MIPEP: variants seen among roughly 807,000 people sequenced by gnomAD.
MIPEP encodes mitochondrial intermediate peptidase.
MIPEP carries 79 observed loss-of-function variants against 90.3 expected under a neutral mutation model. The observed-to-expected ratio is 0.87, with a 90% CI of 0.73 to 1.05. The LOEUF is 1.05. Among genes scored for constraint, MIPEP ranks in the 50% least tolerant of loss-of-function variants. MIPEP has a pLI of 0.00. For missense variants in MIPEP, 940 were observed against 905.6 expected (o/e 1.04, Z -0.49); for synonymous variants, 334 against 315.8 (o/e 1.06, Z -0.61).
At chr13:23,788,553 C>A (rs1952871051) in intron 16 of MIPEP, among the ~76,000 whole-genome samples, 1 of 152,184 alleles carries the variant, frequency 6.6e-6, no homozygotes. Context: ...GCTCACATTT[C>A]TTTGGTCATA....
chr13:23,731,968 ATTT>A lies in MIPEP; in HGVS notation c.2045-1526_2045-1524del, dbSNP rs57109674. ...TATTACACATCCACCAGAATAGCTA[ATTT>A]TTTTTTTTTTTTTTTTTTTTTTTAA... On this transcript the variant is annotated intron_variant, in intron 18 of 18. Transcript: ENST00000382172. Among the ~76,000 whole-genome samples the A allele has an allele frequency of 9.4e-3, 919 of 97,862 alleles. 23 individuals are homozygous for A. Among genetic ancestry groups the A allele is most frequent in the Admixed American group, 0.041 (326 of 8,046 alleles). 64.2% of individuals were successfully genotyped at this position (97,862 alleles called of 152,430 possible).
chr13:23,858,960 A>G (rs1390171521), intron 9 of MIPEP, 48 bp from the exon 10 acceptor site: 1 of 1,516,746 alleles, frequency 6.6e-7, no homozygotes, highest in Non-Finnish European at 9.1e-7. Context: ...ACTCTTTCAT[A>G]GTTTTTATCA....
chr13:23,858,962 T>G, intron 9 of MIPEP, 50 bp from the exon 10 acceptor site: 1 of 1,514,786 alleles, frequency 6.6e-7, no homozygotes, highest in Non-Finnish European at 9.2e-7. Context: ...TCTTTCATAG[T>G]TTTTATCAGC....
chr13:23,812,151 A>C (rs1438495483), intron 14 of MIPEP, among the ~76,000 whole-genome samples: 1 of 151,624 alleles, frequency 6.6e-6, no homozygotes, highest in Non-Finnish European at 1.5e-5. Flanking sequence ...CTCAGCTAGC[A>C]TTCTCCACGT....
chr13:23,875,928 T>C (rs759929784), intron 4 of MIPEP, among the ~76,000 whole-genome samples: 15 of 152,230 alleles, frequency 9.9e-5, no homozygotes, highest in Non-Finnish European at 2.2e-4. Flanking sequence ...CATTGAACAG[T>C]TCTCCATGTC....
chr13:23,749,261 T>C (rs896549312), intron 18 of MIPEP, among the ~76,000 whole-genome samples: 1 of 152,206 alleles, frequency 6.6e-6, no homozygotes, highest in Non-Finnish European at 1.5e-5. Context: ...ACAGGACTTA[T>C]TGCTCCTCGA....
At chr13:23,738,712 T>G (rs953694900) in intron 18 of MIPEP, among the ~76,000 whole-genome samples, 1 of 151,994 alleles carries the variant, frequency 6.6e-6, no homozygotes, top group Non-Finnish European at 1.5e-5. Context: ...CCTCTGAAAG[T>G]GCCCCATGGG....
chr13:23,756,852 T>G (rs994643418), intron 17 of MIPEP: 7 of 529,430 alleles, frequency 1.3e-5, no homozygotes, highest in African/African-American at 9.6e-5. Flanking sequence ...TACTTTTGGC[T>G]ATCTGTTCTG....
At chr13:23,780,633 G>A (rs1419853479) in intron 16 of MIPEP, among the ~76,000 whole-genome samples, 1 of 152,202 alleles carries the variant, frequency 6.6e-6, no homozygotes, top group Non-Finnish European at 1.5e-5. Flanking sequence ...AGAGAAGAAG[G>A]CTTCAGATGA....
intron 3 of MIPEP, among the ~76,000 whole-genome samples, chr13:23,880,572 C>T (rs1008706297): frequency 1.6e-4 from 24 of 152,310 alleles, no homozygotes; most frequent in Middle Eastern, 6.8e-3. Flanking sequence ...CAGAGAGCCT[C>T]GAGCAGGCAG....
intron 16 of MIPEP, among the ~76,000 whole-genome samples, chr13:23,796,500 T>A (rs1469371355): frequency 6.6e-6 from 1 of 152,042 alleles, no homozygotes; most frequent in East Asian, 1.9e-4. Context: ...TAATAATATA[T>A]TAAAGCATTA....
intron 14 of MIPEP, among the ~76,000 whole-genome samples, chr13:23,834,416 T>C (rs535827742): frequency 6.6e-6 from 1 of 152,268 alleles, no homozygotes; most frequent in Non-Finnish European, 1.5e-5. Context: ...TCCCCTCTCC[T>C]GGGCTTTGCC....
At chr13:23,814,314 T>G (rs1266614439) in intron 14 of MIPEP, among the ~76,000 whole-genome samples, 3 of 152,216 alleles carry the variant, frequency 2.0e-5, no homozygotes, top group Admixed American at 2.0e-4. Context: ...TGGAGTGCAG[T>G]GGCACAATCT....
At chr13:23,829,180 T>C (rs1395332697) in intron 14 of MIPEP, among the ~76,000 whole-genome samples, 1 of 152,150 alleles carries the variant, frequency 6.6e-6, no homozygotes, top group Non-Finnish European at 1.5e-5. Context: ...CCAACTTGAT[T>C]AAAAATTGAA....
At chr13:23,820,193 T>C (rs774069512) in intron 14 of MIPEP, among the ~76,000 whole-genome samples, 4 of 152,332 alleles carry the variant, frequency 2.6e-5, no homozygotes, top group Non-Finnish European at 5.9e-5. Context: ...TTACTTGGCC[T>C]TCCCTTGATG....
chr13:23,794,519 C>T (rs376686314), intron 16 of MIPEP, among the ~76,000 whole-genome samples: 1 of 152,032 alleles, frequency 6.6e-6, no homozygotes, highest in South Asian at 2.1e-4. Context: ...CCAGAGAAAA[C>T]GCTTCCTGAA....
Position 23,735,911 on chromosome 13 carries a change from A to AC in MIPEP, c.2045-5467_2045-5466insG, listed in dbSNP as rs1352460708. ...CCCTACACAGAAAATTTAAAAAAAAAACAAAAAAAACAATGTTTCAGGTAG... is the reference window on the plus strand; with the variant it reads ...CCCTACACAGAAAATTTAAAAAAAAACACAAAAAAAACAATGTTTCAGGTAG... On this transcript the variant is annotated intron_variant, in intron 18 of 18. Transcript: ENST00000382172. 7.2e-3 allele frequency among the ~76,000 whole-genome samples: 1,082 copies of AC among 151,196 alleles called. 13 individuals are homozygous for AC. Among genetic ancestry groups the AC allele is most frequent in the African/African-American group, 0.024 (985 of 40,938 alleles).
rs1388259228 is a variant in MIPEP, at chr13:23,889,244, C to T, written c.77G>A (p.Ser26Asn). 11 of 1,398,794 alleles carry T rather than the reference C, an allele frequency of 7.9e-6. No homozygotes were observed. The highest frequency in any genetic ancestry group is 9.3e-6 in the Non-Finnish European group (10 of 1,077,338). 86.6% of individuals were successfully genotyped at this position (1,398,794 alleles called of 1,614,324 possible). ...ALPPRRAGRG[S>N]LEAGIRARRV... ...TCGGGCCCGGATCCCGGCTTCGAGG[C>T]TTCCCCGGCCCGCCCGGCGGGGCGG... The change falls in exon 1 of 19, where the codon AGC becomes AAC. Residue 26 changes from serine to asparagine, a missense_variant. Coordinates refer to ENST00000382172, the MANE Select transcript of MIPEP (RefSeq NM_005932.4).
At chr13:23,869,112 A>T (rs1193848568) in intron 7 of MIPEP, among the ~76,000 whole-genome samples, 180 bp downstream of exon 7, 1 of 152,248 alleles carries the variant, frequency 6.6e-6, no homozygotes, top group Non-Finnish European at 1.5e-5. Context: ...GGTTGGACAG[A>T]ATTATGCCAA....
Sources: gnomAD v4.1 joint callset for allele counts (sites outside exome capture counted in the v4.1 genomes callset) on GRCh38, gnomAD v4.1.1 for gene constraint, MANE v1.5 for transcripts, NCBI Gene and HGNC (gene_info 2026-07-23, HGNC 2026-07-21) for gene names.